The following PRAG1 variants were observed in gnomAD, a reference collection of about 807,000 sequenced individuals.
PRAG1 encodes PEAK1 related, kinase-activating pseudokinase 1, also known as inactive tyrosine-protein kinase PRAG1.
PRAG1 carries 110 observed loss-of-function variants against 95.6 expected under a neutral mutation model. The observed-to-expected ratio is 1.15, with a 90% confidence interval of 0.99 to 1.35. The LOEUF (loss-of-function observed/expected upper bound fraction) is 1.35. Among genes scored for constraint, PRAG1 ranks in the 40% most tolerant of loss-of-function variants. The pLI is 0.00. For synonymous variants in PRAG1, 1,052 were observed against 819.4 expected, an observed-to-expected ratio of 1.28 and a Z score of -4.85; for missense variants, 2,554 against 1,864.7, an observed-to-expected ratio of 1.37 and a Z score of -6.81.
In PRAG1 at chr8:8,376,742, G is replaced by T; in HGVS notation, c.1667C>A (p.Ser556Tyr). Residue 556 changes from serine to tyrosine, a missense_variant, in exon 3 of 6, where the codon TCC becomes TAC. By Grantham distance (144) the Ser-to-Tyr change is moderately radical. Coordinates refer to ENST00000615670, the MANE Select transcript of PRAG1 (RefSeq NM_001080826.3). ...PKLSKSSPVGSPVSPSAGGPP... is the reference protein window; with the variant it reads ...PKLSKSSPVGYPVSPSAGGPP... ...CCCTCCAGCAGACGGTGACACCGGG[G>T]ACCCTACAGGGCTACTCTTGGACAA... 6.2e-7 allele frequency: 1 copy of T among 1,609,806 alleles called. No individual in the cohort carries two copies. Among genetic ancestry groups the T allele is most frequent in the South Asian group, 1.1e-5 (1 of 91,066 alleles).
chr8:8,349,564 G>C (rs559902297), intron 3 of PRAG1, among the ~76,000 whole-genome samples: 2 of 152,126 alleles, frequency 1.3e-5, no homozygotes, highest in South Asian at 2.1e-4. Flanking sequence ...TTACAGGCCT[G>C]AGCCACCGCG....
At chr8:8,326,833 G>C (rs1254142862) in intron 5 of PRAG1, among the ~76,000 whole-genome samples, 1 of 152,182 alleles carries the variant, frequency 6.6e-6, no homozygotes, top group Non-Finnish European at 1.5e-5. Context: ...ACCACTTTGA[G>C]CCTCAGATCC....
chr8:8,368,624 T>C (rs1364928294), intron 3 of PRAG1, among the ~76,000 whole-genome samples: 1 of 151,932 alleles, frequency 6.6e-6, no homozygotes, highest in African/African-American at 2.4e-5. Flanking sequence ...TAACAGAAAA[T>C]TTCCTACCAA....
In PRAG1 at chr8:8,319,059, C is replaced by G. The variant is rs754582034; in HGVS notation, c.3316G>C (p.Asp1106His). 6.2e-7 allele frequency: 1 copy of G among 1,612,336 alleles called. No individual in the cohort carries two copies. Residue 1106 changes from aspartate (D) to histidine (H), a missense_variant, in exon 6 of 6, where the codon GAC (aspartate) becomes CAC (histidine). Asp to His is a moderately conservative substitution (Grantham distance 81). Coordinates refer to ENST00000615670, the MANE Select transcript of PRAG1 (RefSeq NM_001080826.3). The part of the protein sequence containing the change: ...PHQTASDFVR[D>H]SAASHQAEPE... ...TCCGCCTGGTGGCTGGCCGCCGAGT[C>G]CCGCACGAAGTCGGAGGCGGTCTGA...
Position 8,318,502 on chromosome 8 carries a change from G to A in PRAG1, c.3873C>T (p.Pro1291=). The A allele has an allele frequency of 1.9e-6, 3 of 1,611,814 alleles. No homozygotes were observed. The highest frequency in any genetic ancestry group is 2.2e-5 in the South Asian group (2 of 91,040). ...DYRQEDLPPL[P]ALSLYSPGLQ... ...GGCCGGGTGAGTAGAGGGACAGCGCGGGCAGCGGCGGCAGGTCCTCCTGCC... is the reference window on the plus strand; with the variant it reads ...GGCCGGGTGAGTAGAGGGACAGCGCAGGCAGCGGCGGCAGGTCCTCCTGCC... Residue 1291 remains proline (P), a synonymous_variant, in exon 6 of 6, where the codon CCC becomes CCT. Coordinates refer to ENST00000615670, the MANE Select transcript of PRAG1 (RefSeq NM_001080826.3). This position sits in a 1 kb window ranked among gnomAD's most constrained non-coding sequence, Gnocchi z 4.2.
rs769229677 is a variant in PRAG1 at position 8,377,810 on chromosome 8, C to G, written c.599G>C (p.Arg200Pro). Reference sequence around the variant, plus strand: ...GCGGAAGCTCTCCTGGGTGGAGGGCCGGTCTTGGTAAGGAAATGAGGGTTT... The same window carrying G: ...GCGGAAGCTCTCCTGGGTGGAGGGCGGGTCTTGGTAAGGAAATGAGGGTTT... ...KEKPSFPYQD[R>P]PSTQESFRQK... Residue 200 changes from arginine (R) to proline (P), a missense_variant, in exon 3 of 6, where the codon CGG becomes CCG. By Grantham distance (103) the Arg-to-Pro change is moderately radical. Transcript: ENST00000615670. 1.2e-6 allele frequency: 2 copies of G among 1,614,118 alleles called. No homozygotes were observed. Among genetic ancestry groups the G allele is most frequent in the East Asian group, 2.2e-5 (1 of 44,870 alleles).
intron 3 of PRAG1, among the ~76,000 whole-genome samples, chr8:8,343,824 A>G (rs893708126): frequency 6.6e-6 from 1 of 152,218 alleles, no homozygotes; most frequent in Non-Finnish European, 1.5e-5. Context: ...GTGGGCAATC[A>G]GTTACTGGCT....
intron 2 of PRAG1, among the ~76,000 whole-genome samples, chr8:8,380,241 C>T (rs1384541309): frequency 2.0e-5 from 3 of 152,138 alleles, no homozygotes; most frequent in Middle Eastern, 3.4e-3. Flanking sequence ...CAACACTGCA[C>T]TCCAGCCTGA....
rs1800422805 is a variant in PRAG1 at position 8,376,886 on chromosome 8, T to C, written c.1523A>G (p.Gln508Arg). Residue 508 changes from glutamine (Q) to arginine (R), a missense_variant, in exon 3 of 6, where the codon CAG becomes CGG. Physicochemically the swap from Gln to Arg is conservative, Grantham distance 43. Transcript: ENST00000615670. ...CTCCTCTTCACCTACCTCGGAGTTC[T>C]GGCTCACAGGCCCTCGTGGCCACTG... is the stretch of plus-strand genomic sequence containing the variant. ...GVQWPRGPVS[Q>R]NSEVGEEETS... 6.2e-7 allele frequency: 1 copy of C among 1,613,284 alleles called. No homozygotes were observed.
chr8:8,363,150 T>A (rs1799898052), intron 3 of PRAG1, among the ~76,000 whole-genome samples: 1 of 150,548 alleles, frequency 6.6e-6, no homozygotes, highest in African/African-American at 2.4e-5. Flanking sequence ...AATGACTATA[T>A]AAGGTTTAAC....
intron 4 of PRAG1, among the ~76,000 whole-genome samples, chr8:8,329,881 G>T (rs1316494311): frequency 6.6e-6 from 1 of 152,214 alleles, no homozygotes; most frequent in East Asian, 1.9e-4. Context: ...AGTGACCGAG[G>T]CAGCATTAGT....
chr8:8,327,673 G>C, intron 5 of PRAG1, 37 bp downstream of exon 5: 1 of 1,578,122 alleles, frequency 6.3e-7, no homozygotes, highest in Admixed American at 1.7e-5. Flanking sequence ...GCACCAGCCA[G>C]TGGCACAGCA....
intron 4 of PRAG1, among the ~76,000 whole-genome samples, chr8:8,338,425 G>A (rs983739698): frequency 1.5e-4 from 23 of 152,340 alleles, no homozygotes; most frequent in Non-Finnish European, 2.1e-4. Flanking sequence ...ACAGGGGCTC[G>A]TGGTCGAGAT....
intron 3 of PRAG1, among the ~76,000 whole-genome samples, chr8:8,363,019 AC>A (rs1349748551): frequency 6.6e-6 from 1 of 151,418 alleles, no homozygotes; most frequent in Non-Finnish European, 1.5e-5. Context: ...GCAAGCCAAA[AC>A]TAATATTGTA....
chr8:8,382,937 T>C (rs1045321436), intron 1 of PRAG1, among the ~76,000 whole-genome samples: 1 of 152,168 alleles, frequency 6.6e-6, no homozygotes, highest in Non-Finnish European at 1.5e-5. Context: ...TGCGCATTGC[T>C]CCTGGCTCTT....
At chr8:8,356,824 G>A (rs1421336543) in intron 3 of PRAG1, among the ~76,000 whole-genome samples, 1 of 152,140 alleles carries the variant, frequency 6.6e-6, no homozygotes, top group African/African-American at 2.4e-5. Context: ...TGGAGTACTA[G>A]CATATAGACA....
At chr8:8,334,745 A>T (rs1472397968) in intron 4 of PRAG1, among the ~76,000 whole-genome samples, 3 of 151,120 alleles carry the variant, frequency 2.0e-5, no homozygotes, top group African/African-American at 7.3e-5. Context: ...TAACATAATC[A>T]TTAATGGTTT....
Position 8,328,170 on chromosome 8 carries a change from C to A in PRAG1, c.2612G>T (p.Arg871Leu), listed in dbSNP as rs778712638. The A allele has an allele frequency of 1.8e-5, 29 of 1,614,062 alleles. No individual in the cohort carries two copies. The highest frequency in any genetic ancestry group is 2.5e-5 in the Non-Finnish European group (29 of 1,180,040). The change falls in exon 5 of 6, where the codon CGC (arginine) becomes CTC (leucine). Residue 871 changes from arginine (R) to leucine (L), a missense_variant. Physicochemically the swap from Arg to Leu is moderately radical, Grantham distance 102. Coordinates refer to ENST00000615670, the MANE Select transcript of PRAG1 (RefSeq NM_001080826.3). ...HFSYSLSPGNRHHPVFSSSDP... is the reference protein window; with the variant it reads ...HFSYSLSPGNLHHPVFSSSDP... ...GGAAGAGGAGAAGACAGGATGGTGG[C>A]GGTTCCCGGGGCTCAACGAATAGCT...
intron 3 of PRAG1, among the ~76,000 whole-genome samples, chr8:8,351,163 C>A (rs1799508263): frequency 6.6e-6 from 1 of 152,034 alleles, no homozygotes; most frequent in African/African-American, 2.4e-5. Context: ...TCTGGGTAGG[C>A]CTCATGAAAT....
Sources: allele counts gnomAD v4.1 joint callset (sites outside exome capture counted in the v4.1 genomes callset), GRCh38; gene constraint gnomAD v4.1.1; non-coding constraint Gnocchi (gnomAD v3.1); transcripts MANE v1.5; gene names NCBI Gene and HGNC (gene_info 2026-07-23, HGNC 2026-07-21).